Variants in PIP4K2A observed in about 807,000 individuals in gnomAD.
PIP4K2A encodes phosphatidylinositol-5-phosphate 4-kinase type 2 alpha, also known as phosphatidylinositol 5-phosphate 4-kinase type-2 alpha.
PIP4K2A carries 14 observed loss-of-function variants against 42.9 expected under a neutral mutation model. That is an observed-to-expected ratio of 0.33 (90% CI 0.22 to 0.51). The LOEUF (loss-of-function observed/expected upper bound fraction) is 0.51, where lower values mean the gene tolerates loss of function less well. Among genes scored for constraint, PIP4K2A ranks in the 20% least tolerant of loss-of-function variants. The pLI, the probability that PIP4K2A is intolerant of heterozygous loss-of-function variation, is 0.97. For synonymous variants in PIP4K2A, 192 were observed against 192.2 expected (o/e 1.00, Z 0.01); for missense variants, 434 against 519.8 (o/e 0.83, Z 1.61).
rs1249627119 is a variant in PIP4K2A at position 22,607,918 on chromosome 10, G to GC, written c.339+8dup. 4 of 1,588,002 alleles carry GC rather than the reference G, an allele frequency of 2.5e-6. No individual in the cohort carries two copies. The African/African-American group carries it at 5.4e-5, about 21-fold the overall frequency. Reference sequence around the variant, plus strand: ...CCTACTGGAAGCAAATGTTACAAACGCAACTCACCTGGAAATCTTGATCAT... The same window carrying GC: ...CCTACTGGAAGCAAATGTTACAAACGCCAACTCACCTGGAAATCTTGATCAT... On this transcript the variant is annotated intron_variant, in intron 3 of 9. Transcript: ENST00000376573.
chr10:22,536,117 GGTTTCA>G lies in PIP4K2A; in HGVS notation c.*1078_*1083del, dbSNP rs1339488891. 2 of 398,270 alleles carry G rather than the reference GGTTTCA, an allele frequency of 5.0e-6. No individual in the cohort carries two copies. The highest frequency in any genetic ancestry group is 8.8e-6 in the Non-Finnish European group (2 of 226,036). 24.7% of individuals were successfully genotyped at this position (398,270 alleles called of 1,614,324 possible). A position where few individuals can be genotyped will look rare whatever the true frequency, so the allele number is the denominator to read the frequency against. Reference sequence around the variant, plus strand: ...TAATAATGTAAACAGTAAAACTGAGGGTTTCAGTTAAAGGGATAATTCGTAACAAAA... The same window carrying G: ...TAATAATGTAAACAGTAAAACTGAGGGTTAAAGGGATAATTCGTAACAAAA... On this transcript the variant is annotated 3_prime_UTR_variant, in exon 10 of 10. Coordinates refer to ENST00000376573, the MANE Select transcript of PIP4K2A (RefSeq NM_005028.5).
At chr10:22,625,508 T>C (rs886918492) in intron 1 of PIP4K2A, among the ~76,000 whole-genome samples, 2 of 152,216 alleles carry the variant, frequency 1.3e-5, no homozygotes, top group Non-Finnish European at 2.9e-5. Context: ...CAAAAAAATC[T>C]GGAGTCTATT....
chr10:22,649,919 T>C (rs1750775), intron 1 of PIP4K2A, among the ~76,000 whole-genome samples: 48,850 of 152,050 alleles, frequency 0.32, 8,304 homozygotes, highest in African/African-American at 0.41. Context: ...TCCCATCCCA[T>C]CAGGTACAAA....
intron 1 of PIP4K2A, among the ~76,000 whole-genome samples, chr10:22,647,678 T>C (rs1040369763): frequency 6.6e-6 from 1 of 152,172 alleles, no homozygotes; most frequent in Non-Finnish European, 1.5e-5. Context: ...TTGTTCCAAG[T>C]AACAAGGAAA....
At chr10:22,562,650 G>C (rs189514000) in intron 6 of PIP4K2A, among the ~76,000 whole-genome samples, 1 of 152,202 alleles carries the variant, frequency 6.6e-6, no homozygotes, top group Non-Finnish European at 1.5e-5. Context: ...GTATCAGAGA[G>C]AGAAGGCATG....
intron 4 of PIP4K2A, among the ~76,000 whole-genome samples, chr10:22,590,538 T>C (rs1588647261): frequency 6.6e-6 from 1 of 152,324 alleles, no homozygotes; most frequent in South Asian, 2.1e-4. Flanking sequence ...GGTGTTATTA[T>C]TATCCCGACT....
chr10:22,574,954 T>C (rs1251547364), intron 4 of PIP4K2A, among the ~76,000 whole-genome samples: 1 of 152,012 alleles, frequency 6.6e-6, no homozygotes, highest in Non-Finnish European at 1.5e-5. Context: ...GGAAGTCTAG[T>C]CTCCACGTGC....
intron 1 of PIP4K2A, among the ~76,000 whole-genome samples, chr10:22,650,835 GGTT>G (rs1245167524): frequency 6.0e-4 from 67 of 110,878 alleles, no homozygotes; most frequent in Non-Finnish European, 9.5e-4. Flanking sequence ...AAATCTACTG[GGTT>G]TTTTTTTTTC....
In PIP4K2A at chr10:22,541,913, C is replaced by A. The variant is rs61731109; in HGVS notation, c.927G>T (p.Pro309=). 4 of 1,613,876 alleles carry A rather than the reference C, an allele frequency of 2.5e-6. No individual in the cohort carries two copies. The highest frequency in any genetic ancestry group is 2.2e-5 in the South Asian group (2 of 91,046). ...EEEGESDGTH[P]VGTPPDSPGN... is the part of the protein sequence containing the mutation. ...CGGGGCTATCTGGGGGGGTTCCCAC[C>A]GGGTGGGTGCCATCGCTCTCGCCCT... The change falls in exon 8 of 10, where the codon CCG becomes CCT. Residue 309 remains proline, a synonymous_variant. Transcript: ENST00000376573.
intron 1 of PIP4K2A, among the ~76,000 whole-genome samples, chr10:22,653,401 A>C (rs534976868): frequency 9.2e-5 from 14 of 152,248 alleles, no homozygotes; most frequent in Admixed American, 9.2e-4. Flanking sequence ...CTTACTCTAA[A>C]ACTTCAACAT....
At chr10:22,545,284 C>A (rs571914383) in intron 7 of PIP4K2A, among the ~76,000 whole-genome samples, 1 of 152,220 alleles carries the variant, frequency 6.6e-6, no homozygotes, top group Non-Finnish European at 1.5e-5. Context: ...GCAAAGGAAG[C>A]GCAAGGTGAC....
chr10:22,684,469 G>A (rs753631269), intron 1 of PIP4K2A, among the ~76,000 whole-genome samples: 21 of 151,988 alleles, frequency 1.4e-4, no homozygotes, highest in Middle Eastern at 3.2e-3. Context: ...TTTGTAATGC[G>A]CTTGTTTCAT....
intron 6 of PIP4K2A, among the ~76,000 whole-genome samples, chr10:22,555,268 T>C (rs1268339117): frequency 6.6e-6 from 1 of 152,164 alleles, no homozygotes; most frequent in Non-Finnish European, 1.5e-5. Flanking sequence ...ATTAGCTATG[T>C]GACTCTGGCA....
intron 1 of PIP4K2A, 110 bp downstream of exon 1, chr10:22,714,073 A>G: frequency 8.6e-7 from 1 of 1,168,938 alleles, no homozygotes; most frequent in Non-Finnish European, 1.2e-6. Context: ...CCGGAGGTCC[A>G]GGGCTGACTC....
intron 1 of PIP4K2A, among the ~76,000 whole-genome samples, chr10:22,622,656 G>A (rs1482778182): frequency 2.0e-5 from 3 of 152,204 alleles, no homozygotes; most frequent in African/African-American, 7.2e-5. Context: ...GACGGGCACC[G>A]CCACTCCACA....
At chr10:22,677,179 C>A (rs1839575874) in intron 1 of PIP4K2A, among the ~76,000 whole-genome samples, 1 of 152,026 alleles carries the variant, frequency 6.6e-6, no homozygotes, top group East Asian at 1.9e-4. Context: ...GGTATTGGGC[C>A]CAGCTGGGGT....
intron 1 of PIP4K2A, among the ~76,000 whole-genome samples, chr10:22,670,628 T>G (rs961541623): frequency 6.6e-6 from 1 of 152,220 alleles, no homozygotes; most frequent in Non-Finnish European, 1.5e-5. Context: ...GCATTTTCCA[T>G]AATATGTTAT....
intron 3 of PIP4K2A, among the ~76,000 whole-genome samples, chr10:22,600,011 G>C (rs1837718488): frequency 6.6e-6 from 1 of 152,164 alleles, no homozygotes; most frequent in South Asian, 2.1e-4. Context: ...AGGATTAGTG[G>C]AGCCCCCAGA....
chr10:22,656,746 G>A (rs1284517269), intron 1 of PIP4K2A, among the ~76,000 whole-genome samples: 1 of 150,250 alleles, frequency 6.7e-6, no homozygotes, highest in Non-Finnish European at 1.5e-5. Context: ...GCAGTGAGCC[G>A]AGATCGTGCC....
Sources: gnomAD v4.1 joint callset for allele counts (sites outside exome capture counted in the v4.1 genomes callset) on GRCh38, gnomAD v4.1.1 for gene constraint, MANE v1.5 for transcripts, NCBI Gene and HGNC (gene_info 2026-07-23, HGNC 2026-07-21) for gene names.